ATF6B: variants seen among roughly 807,000 people sequenced by gnomAD.
ATF6B encodes cyclic AMP-dependent transcription factor ATF-6 beta.
Under a neutral mutation model 83.5 loss-of-function variants are expected in ATF6B, and 50 were observed. The observed-to-expected ratio is 0.60, with a 90% confidence interval of 0.48 to 0.76. The LOEUF (loss-of-function observed/expected upper bound fraction) is 0.76, where lower values mean the gene tolerates loss of function less well. Ranked by LOEUF, ATF6B falls within the 30% of genes least tolerant of loss-of-function variation. The probability of loss-of-function intolerance (pLI) is 0.00; values close to 1 mark genes in which losing one functional copy is unlikely to be tolerated. For synonymous variants in ATF6B, 344 were observed against 362.8 expected (o/e 0.95, Z 0.59); for missense variants, 790 against 893.8 (o/e 0.88, Z 1.48).
In ATF6B at chr6:32,117,551, C is replaced by T. The variant is rs764079118; in HGVS notation, c.1532+36G>A. The T allele has an allele frequency of 1.8e-5, 29 of 1,606,862 alleles. No individual in the cohort carries two copies. Among genetic ancestry groups the T allele is most frequent in the South Asian group, 7.7e-5 (7 of 90,408 alleles). On this transcript the variant is annotated intron_variant, in intron 13 of 17. Transcript: ENST00000375203. This position sits in a 1 kb window ranked among gnomAD's most constrained non-coding sequence, Gnocchi z 5.0. The stretch of plus-strand genomic sequence containing the variant: ...CTGACTGCAGAAGGCCTTGGGAGGC[C>T]GGGGGAGCTGGATGCCCCAGCAATG...
At chr6:32,123,841 G>A (rs1033984349) in intron 5 of ATF6B, among the ~76,000 whole-genome samples, 1 of 152,100 alleles carries the variant, frequency 6.6e-6, no homozygotes, top group South Asian at 2.1e-4. Flanking sequence ...CTGCATCAGC[G>A]GGCTCCCTGG....
chr6:32,118,134 C>A lies in ATF6B; in HGVS notation c.1245-96G>T. On this transcript the variant is annotated intron_variant, in intron 11 of 17. Transcript: ENST00000375203. The surrounding 1 kb of genome is among the most constrained non-coding windows in gnomAD (Gnocchi z 5.2). Reference sequence around the variant, plus strand: ...CTCTGCAGATGGACTGCTTGAGTTGCAATCTGTTATACAAGCCTGAGTCTG... The same window carrying A: ...CTCTGCAGATGGACTGCTTGAGTTGAAATCTGTTATACAAGCCTGAGTCTG... 6.9e-7 allele frequency: 1 copy of A among 1,459,206 alleles called. No homozygotes were observed. The highest frequency in any genetic ancestry group is 9.5e-7 in the Non-Finnish European group (1 of 1,055,914). The allele number at this position is 1,459,206 out of a possible 1,614,324, so 90.4% of individuals were successfully genotyped here.
At position 32,118,721 on chromosome 6, in the gene ATF6B, G is replaced by T; in HGVS notation, c.1244+54C>A. The T allele has an allele frequency of 6.4e-7, 1 of 1,561,050 alleles. No homozygotes were observed. Among genetic ancestry groups the T allele is most frequent in the Non-Finnish European group, 8.8e-7 (1 of 1,132,830 alleles). On this transcript the variant is annotated intron_variant, in intron 11 of 17. Coordinates refer to ENST00000375203, the MANE Select transcript of ATF6B (RefSeq NM_004381.5). This position sits in a 1 kb window ranked among gnomAD's most constrained non-coding sequence, Gnocchi z 5.2. ...CCTGGGCCAAAGCAGGCAGCTAGGA[G>T]GCTGTAACGTGGGCTCCACCTGGAA...
intron 5 of ATF6B, among the ~76,000 whole-genome samples, chr6:32,122,003 A>AG (rs1562909237): frequency 6.6e-6 from 1 of 152,166 alleles, no homozygotes; most frequent in Non-Finnish European, 1.5e-5. Context: ...GGGAAGTGGC[A>AG]GGGGGGTCTC....
Position 32,118,007 on chromosome 6 carries a change from G to A in ATF6B, c.1276C>T (p.Pro426Ser). The change falls in exon 12 of 18, where the codon CCT becomes TCT. Residue 426 changes from proline (P) to serine (S), a missense_variant. Physicochemically the swap from Pro to Ser is moderately conservative, Grantham distance 74. Coordinates refer to ENST00000375203, the MANE Select transcript of ATF6B (RefSeq NM_004381.5). This position sits in a 1 kb window ranked among gnomAD's most constrained non-coding sequence, Gnocchi z 5.2. ...TGAGGCTCCCCCTTGTTCATCCGAG[G>A]AGAGATGGGAGCTGAAGGAGGCTCA... ...ISEPPSAPIS[P>S]RMNKGEPQPR... 6.2e-7 allele frequency: 1 copy of A among 1,614,192 alleles called. No individual in the cohort carries two copies. The highest frequency in any genetic ancestry group is 8.5e-7 in the Non-Finnish European group (1 of 1,180,038).
At chr6:32,121,200 A>G in intron 6 of ATF6B, 63 bp downstream of exon 6, 2 of 1,609,536 alleles carry the variant, frequency 1.2e-6, no homozygotes, top group African/African-American at 1.3e-5. Context: ...GAAAGCTCTC[A>G]TACCTCTAGG....
In ATF6B at chr6:32,119,234, ACATGGCCATTC is replaced by A; in HGVS notation, c.967-104_967-94del. The stretch of plus-strand genomic sequence containing the variant: ...CCAAGGAATGATTTACCCAAAGCTC[ACATGGCCATTC>A]CCCTGCCTTCCTGACCCACCTACAT... On this transcript the variant is annotated intron_variant, in intron 9 of 17. Transcript: ENST00000375203. The surrounding 1 kb of genome is among the most constrained non-coding windows in gnomAD (Gnocchi z 4.9). 1 of 1,436,640 alleles carries A rather than the reference ACATGGCCATTC, an allele frequency of 7.0e-7. No individual in the cohort carries two copies. Among genetic ancestry groups the A allele is most frequent in the South Asian group, 1.3e-5 (1 of 75,482 alleles). 89.0% of individuals were successfully genotyped at this position (1,436,640 alleles called of 1,614,324 possible). A position where few individuals can be genotyped will look rare whatever the true frequency, so the allele number is the denominator to read the frequency against.
Position 32,116,952 on chromosome 6 carries a change from A to G in ATF6B, c.1685+85T>C. Reference sequence around the variant, plus strand: ...AGGTATAATCCCACTGGTGACAGTAATGACAGGCACAGGACAGCTACTGGG... The same window carrying G: ...AGGTATAATCCCACTGGTGACAGTAGTGACAGGCACAGGACAGCTACTGGG... On this transcript the variant is annotated intron_variant, in intron 15 of 17. Transcript: ENST00000375203. This position sits in a 1 kb window ranked among gnomAD's most constrained non-coding sequence, Gnocchi z 5.1. 3 of 1,549,858 alleles carry G rather than the reference A, an allele frequency of 1.9e-6. No homozygotes were observed. The highest frequency in any genetic ancestry group is 2.3e-5 in the East Asian group (1 of 44,408).
intron 5 of ATF6B, among the ~76,000 whole-genome samples, chr6:32,122,824 G>C (rs566101493): frequency 6.7e-6 from 1 of 149,754 alleles, no homozygotes; most frequent in Non-Finnish European, 1.5e-5. Context: ...ACTCCAGCCT[G>C]GGTAGAGCGA....
chr6:32,126,098 G>A lies in ATF6B; in HGVS notation c.478+19C>T. The A allele has an allele frequency of 6.2e-6, 10 of 1,613,930 alleles. No homozygotes were observed. The highest frequency in any genetic ancestry group is 1.1e-5 in the South Asian group (1 of 91,048). ...CTCCCGTAGTAGAGCCAAGGATTGGGGGCAGGCTGTTTTATTACCTGAGGA... is the reference window on the plus strand; with the variant it reads ...CTCCCGTAGTAGAGCCAAGGATTGGAGGCAGGCTGTTTTATTACCTGAGGA... On this transcript the variant is annotated intron_variant, in intron 5 of 17. Coordinates refer to ENST00000375203, the MANE Select transcript of ATF6B (RefSeq NM_004381.5).
intron 3 of ATF6B, 120 bp from the exon 4 acceptor site, chr6:32,127,314 G>C (rs982310852): frequency 1.2e-5 from 16 of 1,349,602 alleles, no homozygotes; most frequent in Non-Finnish European, 1.6e-5. Flanking sequence ...ACAAAAATAG[G>C]GGATTGAAGG....
chr6:32,120,454 CTTT>C (rs1201008710), intron 8 of ATF6B: 18 of 131,614 alleles, frequency 1.4e-4, no homozygotes, highest in East Asian at 6.2e-4. Context: ...TTTCTTTTTT[CTTT>C]TTTTTTTTTT....
Position 32,126,131 on chromosome 6 carries a change from G to C in ATF6B, c.464C>G (p.Ser155Cys), listed in dbSNP as rs965798574. The C allele has an allele frequency of 1.2e-6, 2 of 1,614,084 alleles. No homozygotes were observed. The highest frequency in any genetic ancestry group is 2.7e-5 in the African/African-American group (2 of 74,924). ...ETVQINVIPT[S>C]DDSSDVQTKI... ...TGTTTTATTACCTGAGGAATCATCA[G>C]AGGTGGGGATAACGTTGATCTGGAC... Residue 155 changes from serine (S) to cysteine (C), a missense_variant, in exon 5 of 18, where the codon TCT becomes TGT. Transcript: ENST00000375203.
Position 32,116,579 on chromosome 6 carries a change from G to A in ATF6B, c.1798-15C>T. The A allele has an allele frequency of 6.3e-7, 1 of 1,597,030 alleles. No individual in the cohort carries two copies. Among genetic ancestry groups the A allele is most frequent in the Non-Finnish European group, 8.5e-7 (1 of 1,169,800 alleles). ...AGCAGGTGGTCCTGGGGAACAGATGGGCCAGGCCAGAAGGGTGGAGGCAAA... is the reference window on the plus strand; with the variant it reads ...AGCAGGTGGTCCTGGGGAACAGATGAGCCAGGCCAGAAGGGTGGAGGCAAA... On this transcript the variant is annotated splice_polypyrimidine_tract_variant and intron_variant, in intron 16 of 17. Transcript: ENST00000375203. This position sits in a 1 kb window ranked among gnomAD's most constrained non-coding sequence, Gnocchi z 5.1.
intron 8 of ATF6B, 131 bp from the exon 9 acceptor site, chr6:32,120,088 G>T: frequency 8.4e-7 from 1 of 1,194,610 alleles, no homozygotes; most frequent in Non-Finnish European, 1.1e-6. Flanking sequence ...AATGCAGCCC[G>T]CCTCCTTTTC....
intron 5 of ATF6B, 54 bp downstream of exon 5, chr6:32,126,063 A>G (rs894980799): frequency 1.5e-4 from 235 of 1,608,484 alleles, no homozygotes; most frequent in Admixed American, 3.5e-4. Flanking sequence ...ACACACACAC[A>G]TAACACATTC....
chr6:32,123,043 A>G (rs1054274470), intron 5 of ATF6B, among the ~76,000 whole-genome samples: 1 of 151,696 alleles, frequency 6.6e-6, no homozygotes, highest in African/African-American at 2.4e-5. Context: ...CCTGAACAAC[A>G]TGGCAAAACC....
At position 32,115,748 on chromosome 6, in the gene ATF6B, A is replaced by G. The variant is rs1781499003; in HGVS notation, c.2103T>C (p.Asn701=). 1.9e-6 allele frequency: 3 copies of G among 1,599,518 alleles called. No homozygotes were observed. The Admixed American group carries it at 5.1e-5, about 27-fold the overall frequency. ...HQASHQPLYL[N]HP The stretch of plus-strand genomic sequence containing the variant: ...GTGTGAATGGCAGAGGTCAGGGATG[A>G]TTGAGGTAGAGGGGCTGGTGGGAGG... The change falls in exon 18 of 18, where the codon AAT becomes AAC. Residue 701 remains asparagine (N), a synonymous_variant. Transcript: ENST00000375203.
chr6:32,121,571 G>A (rs545215289), intron 5 of ATF6B, among the ~76,000 whole-genome samples: 53 of 152,194 alleles, frequency 3.5e-4, no homozygotes, highest in African/African-American at 1.1e-3. Flanking sequence ...GCATGGTGGC[G>A]CATCCCTGTG....
Sources: gnomAD v4.1 joint callset for allele counts (sites outside exome capture counted in the v4.1 genomes callset) on GRCh38, gnomAD v4.1.1 for gene constraint, Gnocchi (gnomAD v3.1) non-coding constraint, MANE v1.5 for transcripts, NCBI Gene and HGNC (gene_info 2026-07-23, HGNC 2026-07-21) for gene names.